The following SAMD9 variants were observed in gnomAD, a reference collection of about 807,000 sequenced individuals.
The protein encoded by SAMD9 is sterile alpha motif domain containing 9.
A neutral mutation model predicts 1.5 loss-of-function variants in SAMD9; 3 were observed. The observed-to-expected ratio is 2.05, with a 90% CI of 0.93 to 5.29. The LOEUF is 5.29. Ranked by LOEUF, SAMD9 falls within the 30% of genes most tolerant of loss-of-function variation. The pLI is 0.02. For missense variants in SAMD9, 1,597 were observed against 1,820.8 expected (o/e 0.88, Z 2.24); for synonymous variants, 635 against 631.9 (o/e 1.00, Z -0.07).
chr7:93,117,258 T>TTTGTTGTTG (rs201142138), intron 1 of SAMD9, among the ~76,000 whole-genome samples: 116 of 150,614 alleles, frequency 7.7e-4, no homozygotes, highest in East Asian at 3.5e-3. Context: ...TATCTTTCCG[T>TTTGTTGTTG]TTGTTGTTGT....
At chr7:93,110,407 C>A (rs1031594494) in intron 2 of SAMD9, among the ~76,000 whole-genome samples, 10 of 152,132 alleles carry the variant, frequency 6.6e-5, no homozygotes, top group African/African-American at 2.4e-4. Context: ...AAATAACGAG[C>A]AAAAGAACCA....
Position 93,103,656 on chromosome 7 carries a change from A to C in SAMD9, c.2442T>G (p.Ile814Met), listed in dbSNP as rs769609045. 1 of 1,613,798 alleles carries C rather than the reference A, an allele frequency of 6.2e-7. No homozygotes were observed. The highest frequency in any genetic ancestry group is 8.5e-7 in the Non-Finnish European group (1 of 1,179,758). The change falls in exon 3 of 3, where the codon ATT (isoleucine) becomes ATG (methionine). Residue 814 changes from isoleucine (I) to methionine (M), a missense_variant. Transcript: ENST00000379958. ...QDNVYLLQYSIQTAIAKKYIR... is the reference protein window; with the variant it reads ...QDNVYLLQYSMQTAIAKKYIR... ...TGTACTTTTTAGCTATAGCTGTTTGAATAGAGTACTGCAGAAGATAGACAT... is the reference window on the plus strand; with the variant it reads ...TGTACTTTTTAGCTATAGCTGTTTGCATAGAGTACTGCAGAAGATAGACAT...
chr7:93,104,763 C>T lies in SAMD9; in HGVS notation c.1335G>A (p.Glu445=). ...KWFAVLEFDP[E]SNINGVVKAY... is the part of the protein sequence containing the mutation. ...CTTTGACCACTCCATTGATGTTAGA[C>T]TCAGGATCAAACTCCAATACAGCAA... The change falls in exon 3 of 3, where the codon GAG becomes GAA. Residue 445 remains glutamate, a synonymous_variant. Coordinates refer to ENST00000379958, the MANE Select transcript of SAMD9 (RefSeq NM_017654.4). 6.2e-7 allele frequency: 1 copy of T among 1,613,810 alleles called. No individual in the cohort carries two copies. Among genetic ancestry groups the T allele is most frequent in the Non-Finnish European group, 8.5e-7 (1 of 1,179,908 alleles).
intron 2 of SAMD9, among the ~76,000 whole-genome samples, chr7:93,106,466 G>A (rs778304851): frequency 1.3e-5 from 2 of 152,050 alleles, no homozygotes; most frequent in African/African-American, 4.8e-5. Context: ...ATTTAAGAAC[G>A]TTCAATTCTG....
At chr7:93,114,292 G>A (rs1050920972) in intron 2 of SAMD9, among the ~76,000 whole-genome samples, 1 of 137,962 alleles carries the variant, frequency 7.2e-6, no homozygotes, top group Non-Finnish European at 1.5e-5. Context: ...ACACACTGGG[G>A]CCTGTTGTGG....
chr7:93,100,102 G>A lies in SAMD9; in HGVS notation c.*1226C>T, dbSNP rs953321432. On this transcript the variant is annotated 3_prime_UTR_variant, in exon 3 of 3. Transcript: ENST00000379958. ...TGTATAGATTCCCCAACATTTTTTT[G>A]GTCCTTTGCAATTTCTTTCTTTTTT... The A allele has an allele frequency of 5.3e-5, 8 of 151,852 alleles. No homozygotes were observed. Among genetic ancestry groups the A allele is most frequent in the African/African-American group, 1.9e-4 (8 of 41,344 alleles). The allele number at this position is 151,852 out of a possible 1,614,324, so 9.4% of individuals were successfully genotyped here.
At position 93,104,577 on chromosome 7, in the gene SAMD9, G is replaced by C; in HGVS notation, c.1521C>G (p.Pro507=). The C allele has an allele frequency of 6.2e-7, 1 of 1,613,984 alleles. No individual in the cohort carries two copies. Among genetic ancestry groups the C allele is most frequent in the Non-Finnish European group, 8.5e-7 (1 of 1,179,920 alleles). The change falls in exon 3 of 3, where the codon CCC becomes CCG. Residue 507 remains proline, a synonymous_variant. Transcript: ENST00000379958. The part of the protein sequence containing the change: ...RLDLDSEKYK[P]FDPSSWQRER... ...CTCTTTGCCAGGAACTTGGATCAAA[G>C]GGTTTATATTTTTCACTGTCAAGGT...
At position 93,101,778 on chromosome 7, in the gene SAMD9, C is replaced by T; in HGVS notation, c.4320G>A (p.Trp1440Ter). Residue 1440 changes from tryptophan to a stop codon, truncating the protein, a stop_gained, in exon 3 of 3, where the codon TGG (tryptophan) becomes TGA (stop). Coordinates refer to ENST00000379958, the MANE Select transcript of SAMD9 (RefSeq NM_017654.4). LOFTEE classifies it low-confidence loss of function (END_TRUNC). ...GTTGATCTAGTTGTTGATTTTCTGG[C>T]CAGAATAAGAGGGAAGCTAGAAAAT... Reference protein sequence around the residue: ...EPYFLASLLFWPENQQLDQHS... With the variant: ...EPYFLASLLF 1 of 1,613,662 alleles carries T rather than the reference C, an allele frequency of 6.2e-7. No homozygotes were observed. Among genetic ancestry groups the T allele is most frequent in the Non-Finnish European group, 8.5e-7 (1 of 1,179,750 alleles).
intron 2 of SAMD9, among the ~76,000 whole-genome samples, chr7:93,111,201 T>TG (rs1213955982): frequency 2.6e-5 from 4 of 152,192 alleles, no homozygotes; most frequent in Non-Finnish European, 5.9e-5. Flanking sequence ...TGCTCCTGAA[T>TG]GACTACTGGG....
In SAMD9 at chr7:93,102,625, T is replaced by C; in HGVS notation, c.3473A>G (p.His1158Arg). The change falls in exon 3 of 3, where the codon CAT (histidine) becomes CGT (arginine). Residue 1158 changes from histidine to arginine, a missense_variant. His to Arg is a conservative substitution (Grantham distance 29). Coordinates refer to ENST00000379958, the MANE Select transcript of SAMD9 (RefSeq NM_017654.4). ...AGATTCTTTGAATGCACTTGAGGCA[T>C]GTTCTGCTAAATCCAAAAGAGCAAT... ...DLIALLDLAE[H>R]ASSAFKESQQ... 5.6e-6 allele frequency: 9 copies of C among 1,613,906 alleles called. No homozygotes were observed. Among genetic ancestry groups the C allele is most frequent in the Non-Finnish European group, 7.6e-6 (9 of 1,179,794 alleles).
chr7:93,102,436 T>C lies in SAMD9; in HGVS notation c.3662A>G (p.Asn1221Ser), dbSNP rs200614323. ...LQLIPFFDNK[N>S]ELSKRYMVNF... Reference sequence around the variant, plus strand: ...GACCATATATCTTTTAGATAGCTCATTTTTATTATCAAAAAAAGGAATGAG... The same window carrying C: ...GACCATATATCTTTTAGATAGCTCACTTTTATTATCAAAAAAAGGAATGAG... Residue 1221 changes from asparagine (N) to serine (S), a missense_variant, in exon 3 of 3, where the codon AAT (asparagine) becomes AGT (serine). Transcript: ENST00000379958. The C allele has an allele frequency of 1.2e-6, 2 of 1,613,534 alleles. No homozygotes were observed. Among genetic ancestry groups the C allele is most frequent in the African/African-American group, 2.7e-5 (2 of 74,986 alleles).
chr7:93,116,423 T>G (rs762903922), intron 1 of SAMD9, among the ~76,000 whole-genome samples: 3 of 152,224 alleles, frequency 2.0e-5, no homozygotes, highest in Non-Finnish European at 4.4e-5. Flanking sequence ...AGAGACACTA[T>G]GAATATTTCA....
rs1231432215 is a variant in SAMD9 at position 93,105,941 on chromosome 7, G to A, written c.157C>T (p.His53Tyr). Residue 53 changes from histidine to tyrosine, a missense_variant, in exon 3 of 3, where the codon CAT (histidine) becomes TAT (tyrosine). His to Tyr is a moderately conservative substitution (Grantham distance 83). This residue lies in a region of SAMD9 where 498 missense variants were observed against 457.4 expected (regional missense o/e 1.09). Transcript: ENST00000379958. ...TGTGTGATGCCCATATCAACAAGAT[G>A]TTCTTTTTTTAACCACTTCAAGACT... ...GAVLKWLKKE[H>Y]LVDMGITHGP... The A allele has an allele frequency of 2.5e-6, 4 of 1,611,712 alleles. No homozygotes were observed. Among genetic ancestry groups the A allele is most frequent in the Admixed American group, 1.7e-5 (1 of 59,724 alleles).
At position 93,103,286 on chromosome 7, in the gene SAMD9, A is replaced by G. The variant is rs1180925271; in HGVS notation, c.2812T>C (p.Cys938Arg). ...TTTCCAATTCCTAAGAATTTTTCAC[A>G]CTGTGATAGTGAAATGGTGGTATCA... ...VPDTTISLSQ[C>R]EKFLGIGNKK... Residue 938 changes from cysteine to arginine, a missense_variant, in exon 3 of 3, where the codon TGT becomes CGT. Around this residue, in one of 6 missense-constraint regions of SAMD9, gnomAD observed 682 missense variants for 810.0 expected, o/e 0.84. Coordinates refer to ENST00000379958, the MANE Select transcript of SAMD9 (RefSeq NM_017654.4). The G allele has an allele frequency of 6.2e-7, 1 of 1,613,650 alleles. No homozygotes were observed. The highest frequency in any genetic ancestry group is 2.2e-5 in the East Asian group (1 of 44,856).
At position 93,102,728 on chromosome 7, in the gene SAMD9, C is replaced by G; in HGVS notation, c.3370G>C (p.Gly1124Arg). The G allele has an allele frequency of 5.6e-6, 9 of 1,613,750 alleles. No individual in the cohort carries two copies. Among genetic ancestry groups the G allele is most frequent in the Non-Finnish European group, 7.6e-6 (9 of 1,179,756 alleles). Residue 1124 changes from glycine to arginine, a missense_variant, in exon 3 of 3, where the codon GGT becomes CGT. Gly to Arg is a moderately radical substitution (Grantham distance 125, BLOSUM62 -2). Coordinates refer to ENST00000379958, the MANE Select transcript of SAMD9 (RefSeq NM_017654.4). Reference sequence around the variant, plus strand: ...CTTATTTTACTTTTGTAGACTTGACCCAGTGTATCTGAGATATAAGAATTG... The same window carrying G: ...CTTATTTTACTTTTGTAGACTTGACGCAGTGTATCTGAGATATAAGAATTG... ...PDNSYISDTL[G>R]QVYKSKIRWW...
At position 93,104,365 on chromosome 7, in the gene SAMD9, A is replaced by C; in HGVS notation, c.1733T>G (p.Val578Gly). The change falls in exon 3 of 3, where the codon GTG (valine) becomes GGG (glycine). Residue 578 changes from valine to glycine, a missense_variant. Physicochemically the swap from Val to Gly is moderately radical, Grantham distance 109 (BLOSUM62 -3). Around this residue, in one of 6 missense-constraint regions of SAMD9, gnomAD observed 358 missense variants for 460.4 expected, o/e 0.78. Transcript: ENST00000379958. ...CCATCCCTGAAATATGTGTGGGTGC[A>C]CACAAATACACAGTATATTTTCCAT... ...KGMENILCICVHPHIFQGWKD... is the reference protein window; with the variant it reads ...KGMENILCICGHPHIFQGWKD... The C allele has an allele frequency of 6.2e-7, 1 of 1,613,902 alleles. No homozygotes were observed. The highest frequency in any genetic ancestry group is 8.5e-7 in the Non-Finnish European group (1 of 1,179,862).
rs78564070 is a variant in SAMD9, at chr7:93,104,662, G to T, written c.1436C>A (p.Thr479Lys). ...ATGGTAAAGATTTAGAGTAGAAATC[G>T]TCTCATTTGGTGTGGTTTTCTGTTC... Reference protein sequence around the residue: ...YVEQKTTPNETISTLNLYHQP... With the variant: ...YVEQKTTPNEKISTLNLYHQP... The change falls in exon 3 of 3, where the codon ACG becomes AAG. Residue 479 changes from threonine (T) to lysine (K), a missense_variant. By Grantham distance (78) the Thr-to-Lys change is moderately conservative. Coordinates refer to ENST00000379958, the MANE Select transcript of SAMD9 (RefSeq NM_017654.4). 6.2e-7 allele frequency: 1 copy of T among 1,613,790 alleles called. No individual in the cohort carries two copies.
intron 1 of SAMD9, among the ~76,000 whole-genome samples, chr7:93,115,733 T>A (rs767780244): frequency 6.6e-6 from 1 of 152,152 alleles, no homozygotes; most frequent in Non-Finnish European, 1.5e-5. Context: ...ATAAAAGAGA[T>A]ACTTGCATAA....
In SAMD9 at chr7:93,103,542, G is replaced by A. The variant is rs150188038; in HGVS notation, c.2556C>T (p.Ala852=). ...CTTTGGGAGAGAGTTGCTGTATTAC[G>A]GCAATACTGTCTGGGATCCTTGCAC... The part of the protein sequence containing the change: ...EKSARIPDSI[A]VIQQLSPKEQ... The change falls in exon 3 of 3, where the codon GCC becomes GCT. Residue 852 remains alanine, a synonymous_variant. Transcript: ENST00000379958. 1.6e-4 allele frequency: 264 copies of A among 1,613,464 alleles called. No individual in the cohort carries two copies. The African/African-American group carries it at 2.9e-3, about 18-fold the overall frequency.
Sources: gnomAD v4.1 joint callset for allele counts (sites outside exome capture counted in the v4.1 genomes callset) on GRCh38, gnomAD v4.1.1 for gene constraint, gnomAD v4.1.1 regional missense constraint, MANE v1.5 for transcripts, NCBI Gene and HGNC (gene_info 2026-07-23, HGNC 2026-07-21) for gene names.